The following RNLS variants were observed in gnomAD, a reference collection of about 807,000 sequenced individuals.
The protein encoded by RNLS is renalase.
A neutral mutation model predicts 39.8 loss-of-function variants in RNLS; 39 were observed. That is an observed-to-expected ratio of 0.98 (90% CI 0.76 to 1.28). The LOEUF (loss-of-function observed/expected upper bound fraction) is 1.28. Among genes scored for constraint, RNLS ranks in the 50% most tolerant of loss-of-function variants. The probability of loss-of-function intolerance (pLI) is 0.00; values close to 1 mark genes in which losing one functional copy is unlikely to be tolerated. For missense variants in RNLS, 410 were observed against 413.3 expected, an observed-to-expected ratio of 0.99 and a Z score of 0.07; for synonymous variants, 147 against 150.7, an observed-to-expected ratio of 0.98 and a Z score of 0.18.
the RNLS span, among the ~76,000 whole-genome samples, chr10:88,227,378 A>T: frequency 6.6e-6 from 1 of 152,224 alleles, no homozygotes; most frequent in East Asian, 1.9e-4. Context: ...GTAAAGACAT[A>T]ATAACTAAAT....
chr10:88,483,304 C>G (rs1844309775), intron 4 of RNLS, among the ~76,000 whole-genome samples: 1 of 152,162 alleles, frequency 6.6e-6, no homozygotes, highest in Admixed American at 6.6e-5. Context: ...AAAGCATCTT[C>G]AAGCCCATCC....
the RNLS span, among the ~76,000 whole-genome samples, chr10:88,200,727 T>C: frequency 6.6e-6 from 1 of 152,212 alleles, no homozygotes; most frequent in Non-Finnish European, 1.5e-5. Context: ...ACATTTGTTG[T>C]AGTAGATTAT....
At chr10:88,319,609 G>A (rs1450802597) in intron 5 of RNLS, among the ~76,000 whole-genome samples, 2 of 151,858 alleles carry the variant, frequency 1.3e-5, no homozygotes, top group Non-Finnish European at 2.9e-5. Flanking sequence ...TAGAACTTCT[G>A]GAATGAAAAA....
chr10:88,195,714 C>T, the RNLS span, among the ~76,000 whole-genome samples: 1 of 152,076 alleles, frequency 6.6e-6, no homozygotes, highest in South Asian at 2.1e-4. Context: ...GTGGAGCTTG[C>T]CTAAATAGAA....
the RNLS span, among the ~76,000 whole-genome samples, chr10:88,236,794 A>G: frequency 6.6e-6 from 1 of 152,244 alleles, no homozygotes; most frequent in Admixed American, 6.5e-5. Context: ...TGATGCCTGC[A>G]GAGTCTACTG....
the RNLS span, among the ~76,000 whole-genome samples, chr10:88,205,414 AACAG>A: frequency 6.6e-6 from 1 of 152,100 alleles, no homozygotes; most frequent in African/African-American, 2.4e-5. Context: ...TAAGATAATC[AACAG>A]ACCCCATGTT....
the RNLS span, among the ~76,000 whole-genome samples, chr10:88,226,980 C>T: frequency 1.3e-5 from 2 of 152,028 alleles, no homozygotes; most frequent in African/African-American, 4.8e-5. Flanking sequence ...CAAAGAATAG[C>T]CCATGGGCAA....
intron 4 of RNLS, among the ~76,000 whole-genome samples, chr10:88,429,455 T>C (rs189687611): frequency 5.6e-4 from 85 of 152,042 alleles, no homozygotes; most frequent in Middle Eastern, 6.8e-3. Context: ...AAATTTGGAG[T>C]TCACGTTCAT....
chr10:88,309,740 T>A (rs1845214480), intron 6 of RNLS, among the ~76,000 whole-genome samples: 1 of 152,146 alleles, frequency 6.6e-6, no homozygotes, highest in South Asian at 2.1e-4. Flanking sequence ...CATGGCTAAT[T>A]GTCAGAGAAA....
At chr10:88,385,193 G>A (rs701893) in intron 4 of RNLS, among the ~76,000 whole-genome samples, 96,853 of 152,082 alleles carry the variant, frequency 0.64, 30,927 homozygotes, top group Middle Eastern at 0.69. Flanking sequence ...CTAAATAAAA[G>A]CAAAATGAAG....
At chr10:88,549,019 G>C (rs1848481133) in intron 4 of RNLS, among the ~76,000 whole-genome samples, 1 of 151,994 alleles carries the variant, frequency 6.6e-6, no homozygotes, top group South Asian at 2.1e-4. Context: ...TGAATGGATA[G>C]AAAGTAACAG....
chr10:88,228,594 C>A, the RNLS span, among the ~76,000 whole-genome samples: 3 of 152,262 alleles, frequency 2.0e-5, no homozygotes, highest in Non-Finnish European at 4.4e-5. Context: ...AGTGCCACTA[C>A]TTCTTCGGTG....
the RNLS span, among the ~76,000 whole-genome samples, chr10:88,252,484 T>C: frequency 6.6e-6 from 1 of 152,152 alleles, no homozygotes; most frequent in Non-Finnish European, 1.5e-5. Flanking sequence ...ACGAGGTGGG[T>C]GGGCAGAGGC....
At chr10:88,258,283 A>G in the RNLS span, among the ~76,000 whole-genome samples, 1 of 152,208 alleles carries the variant, frequency 6.6e-6, no homozygotes, top group African/African-American at 2.4e-5. Context: ...TTTTAGTCAT[A>G]TATTTCTCAA....
chr10:88,284,743 C>G lies in RNLS; in HGVS notation c.*611G>C. ...TGTGGCTGGGAAAATCATGTGGAAT[C>G]TTATACTTTCTGAAAATCTGAAGGA... is the stretch of plus-strand genomic sequence containing the variant. On this transcript the variant is annotated 3_prime_UTR_variant, in exon 7 of 7. Coordinates refer to ENST00000331772, the MANE Select transcript of RNLS (RefSeq NM_001031709.3). The G allele has an allele frequency of 1.0e-6, 1 of 985,290 alleles. No homozygotes were observed. Among genetic ancestry groups the G allele is most frequent in the South Asian group, 4.7e-5 (1 of 21,282 alleles). The allele number at this position is 985,290 out of a possible 1,614,324, so 61.0% of individuals were successfully genotyped here.
intron 4 of RNLS, among the ~76,000 whole-genome samples, chr10:88,525,551 T>C (rs936105660): frequency 3.9e-5 from 6 of 152,104 alleles, no homozygotes; most frequent in African/African-American, 9.7e-5. Flanking sequence ...GCGTATGTAG[T>C]AGTGCAGTTA....
intron 4 of RNLS, among the ~76,000 whole-genome samples, chr10:88,366,939 T>C (rs1422741295): frequency 6.6e-6 from 1 of 151,888 alleles, no homozygotes. Context: ...AGTGGAGCTC[T>C]TGTCTATTTT....
chr10:88,197,214 GA>G, the RNLS span, among the ~76,000 whole-genome samples: 1 of 152,204 alleles, frequency 6.6e-6, no homozygotes, highest in African/African-American at 2.4e-5. Context: ...AGAGTTGGTA[GA>G]GAGAATAAAG....
intron 4 of RNLS, among the ~76,000 whole-genome samples, chr10:88,442,046 A>G (rs1182291934): frequency 6.6e-6 from 1 of 152,218 alleles, no homozygotes; most frequent in East Asian, 1.9e-4. Flanking sequence ...ACACGACAGG[A>G]GGCTGGGAAC....
Sources: gnomAD v4.1 joint callset for allele counts (sites outside exome capture counted in the v4.1 genomes callset) on GRCh38, gnomAD v4.1.1 for gene constraint, MANE v1.5 for transcripts, NCBI Gene and HGNC (gene_info 2026-07-23, HGNC 2026-07-21) for gene names.